CHCHD3: variants seen among roughly 807,000 people sequenced by gnomAD.
The protein encoded by CHCHD3 is coiled-coil-helix-coiled-coil-helix domain containing 3.
Under a neutral mutation model 38.2 loss-of-function variants are expected in CHCHD3, and 20 were observed. That is an observed-to-expected ratio of 0.52 (90% CI 0.37 to 0.76). The LOEUF (loss-of-function observed/expected upper bound fraction) is 0.76. Among genes scored for constraint, CHCHD3 ranks in the 30% least tolerant of loss-of-function variants. The pLI is 0.00. For synonymous variants in CHCHD3, 82 were observed against 100.0 expected, an observed-to-expected ratio of 0.82 and a Z score of 1.07; for missense variants, 245 against 279.2, an observed-to-expected ratio of 0.88 and a Z score of 0.87.
chr7:132,817,603 CAT>C (rs545615538), intron 6 of CHCHD3, among the ~76,000 whole-genome samples: 248 of 152,266 alleles, frequency 1.6e-3, no homozygotes, highest in Middle Eastern at 3.4e-3. Flanking sequence ...ACTGTGCACA[CAT>C]GTCTCCCCTG....
chr7:132,850,622 T>C (rs920616071), intron 5 of CHCHD3, among the ~76,000 whole-genome samples: 4 of 152,124 alleles, frequency 2.6e-5, no homozygotes, highest in African/African-American at 9.7e-5. Context: ...GCATTCTAAG[T>C]TTCCTTTTAT....
chr7:133,072,170 GAA>G (rs10555609), intron 1 of CHCHD3, among the ~76,000 whole-genome samples: 10,159 of 117,046 alleles, frequency 0.087, 797 homozygotes, highest in East Asian at 0.23. Context: ...ACCCTATCTA[GAA>G]AAAAAAAAAA....
chr7:132,827,488 C>T (rs548653580), intron 6 of CHCHD3, among the ~76,000 whole-genome samples: 1 of 152,308 alleles, frequency 6.6e-6, no homozygotes, highest in Admixed American at 6.5e-5. Flanking sequence ...GAATTTTCAA[C>T]TTGTGGCATC....
chr7:132,887,746 G>C (rs534033716), intron 4 of CHCHD3, among the ~76,000 whole-genome samples: 3 of 151,650 alleles, frequency 2.0e-5, no homozygotes, highest in Non-Finnish European at 4.4e-5. Flanking sequence ...AGGTAATATG[G>C]TGTCATTATT....
At chr7:132,818,689 AC>A (rs1193654491) in intron 6 of CHCHD3, among the ~76,000 whole-genome samples, 26 of 152,352 alleles carry the variant, frequency 1.7e-4, no homozygotes, top group African/African-American at 3.1e-4. Context: ...AGCAAAAAAA[AC>A]AGTCCTTAAA....
chr7:133,012,671 A>C (rs942813006), intron 3 of CHCHD3, among the ~76,000 whole-genome samples: 1 of 151,594 alleles, frequency 6.6e-6, no homozygotes, highest in Non-Finnish European at 1.5e-5. Context: ...GGTTAAGGTG[A>C]GAGGATGGCT....
At chr7:132,983,774 A>C (rs971634284) in intron 3 of CHCHD3, among the ~76,000 whole-genome samples, 2 of 152,148 alleles carry the variant, frequency 1.3e-5, no homozygotes, top group African/African-American at 4.8e-5. Flanking sequence ...GGTAAGTACC[A>C]TAGATTGAGG....
intron 6 of CHCHD3, among the ~76,000 whole-genome samples, chr7:132,797,188 C>T (rs1403812471): frequency 2.6e-5 from 4 of 152,150 alleles, no homozygotes; most frequent in Non-Finnish European, 4.4e-5. Context: ...GTGGCCTTCA[C>T]CCCCCAACCC....
intron 6 of CHCHD3, among the ~76,000 whole-genome samples, chr7:132,829,584 A>G (rs1807589033): frequency 6.6e-6 from 1 of 152,208 alleles, no homozygotes; most frequent in Non-Finnish European, 1.5e-5. Flanking sequence ...ATACGAAAGG[A>G]AAGAAGATGC....
chr7:132,821,000 T>G lies in CHCHD3; in HGVS notation c.524+17399A>C, dbSNP rs188297844. Among the ~76,000 whole-genome samples the G allele has an allele frequency of 3.7e-3, 559 of 152,320 alleles. 1 individual carries two copies. The highest frequency in any genetic ancestry group is 6.2e-3 in the Non-Finnish European group (421 of 68,040). ...CATGTAGCATATTAAAACAGAATTA[T>G]TATTTTGAGTAGTGCTGCTAACTGT... On this transcript the variant is annotated intron_variant, in intron 6 of 7. Coordinates refer to ENST00000262570, the MANE Select transcript of CHCHD3 (RefSeq NM_017812.4).
intron 2 of CHCHD3, among the ~76,000 whole-genome samples, chr7:133,065,209 A>G (rs1388515245): frequency 6.6e-6 from 1 of 152,236 alleles, no homozygotes; most frequent in Non-Finnish European, 1.5e-5. Flanking sequence ...TTCATTTATT[A>G]AAGTGGCATT....
chr7:133,001,665 T>TA (rs1274478884), intron 3 of CHCHD3, among the ~76,000 whole-genome samples: 3 of 152,164 alleles, frequency 2.0e-5, no homozygotes, highest in Non-Finnish European at 4.4e-5. Flanking sequence ...TAGCTTCACT[T>TA]AGCTAGTTTT....
chr7:132,990,677 T>C (rs1812254297), intron 3 of CHCHD3, among the ~76,000 whole-genome samples: 1 of 152,152 alleles, frequency 6.6e-6, no homozygotes, highest in African/African-American at 2.4e-5. Flanking sequence ...ACGTTTCTTT[T>C]TCACAAGGGA....
intron 6 of CHCHD3, among the ~76,000 whole-genome samples, chr7:132,820,468 C>G (rs746996678): frequency 6.6e-6 from 1 of 152,142 alleles, no homozygotes; most frequent in Non-Finnish European, 1.5e-5. Context: ...CTATGGCTTC[C>G]GCATCCCTTT....
Position 132,785,192 on chromosome 7 carries a change from C to G in CHCHD3, c.*445G>C, listed in dbSNP as rs941064843. ...CTGTTTTCTGGCTCTCTCCACCCAG[C>G]ACTGCTGCCCTCGGATCTATGTTTT... On this transcript the variant is annotated 3_prime_UTR_variant, in exon 8 of 8. Transcript: ENST00000262570. 4 of 166,790 alleles carry G rather than the reference C, an allele frequency of 2.4e-5. No individual in the cohort carries two copies. Among genetic ancestry groups the G allele is most frequent in the African/African-American group, 9.6e-5 (4 of 41,636 alleles). 10.3% of individuals were successfully genotyped at this position (166,790 alleles called of 1,614,324 possible).
At chr7:132,983,611 T>C (rs1811978767) in intron 3 of CHCHD3, among the ~76,000 whole-genome samples, 1 of 152,226 alleles carries the variant, frequency 6.6e-6, no homozygotes, top group South Asian at 2.1e-4. Context: ...AGTGATCTTT[T>C]GAGGTTCTCG....
chr7:132,973,733 T>C (rs1811671003), intron 4 of CHCHD3: 1 of 1,032,148 alleles, frequency 9.7e-7, no homozygotes, highest in African/African-American at 1.7e-5. Flanking sequence ...TGGTCATGGG[T>C]TGGTCTTTCA....
intron 1 of CHCHD3, among the ~76,000 whole-genome samples, chr7:133,070,636 C>A (rs1195530579): frequency 6.6e-6 from 1 of 151,816 alleles, no homozygotes; most frequent in Middle Eastern, 3.2e-3. Context: ...TTCCCTCTCC[C>A]CTCCCTCCCT....
At chr7:133,052,306 C>T (rs1231293118) in intron 2 of CHCHD3, among the ~76,000 whole-genome samples, 4 of 152,134 alleles carry the variant, frequency 2.6e-5, no homozygotes. Flanking sequence ...GGTACTAAAT[C>T]CTCCCTCCCT....
Sources: gnomAD v4.1 joint callset for allele counts (sites outside exome capture counted in the v4.1 genomes callset) on GRCh38, gnomAD v4.1.1 for gene constraint, MANE v1.5 for transcripts, NCBI Gene and HGNC (gene_info 2026-07-23, HGNC 2026-07-21) for gene names.